HCN1: variants seen among roughly 807,000 people sequenced by gnomAD.
The protein encoded by HCN1 is potassium/sodium hyperpolarization-activated cyclic nucleotide-gated channel 1.
A neutral mutation model predicts 78.9 loss-of-function variants in HCN1; 13 were observed. The observed-to-expected ratio is 0.16, with a 90% confidence interval of 0.11 to 0.26. The LOEUF (loss-of-function observed/expected upper bound fraction) is 0.26, where lower values mean the gene tolerates loss of function less well. Ranked by LOEUF, HCN1 falls within the 10% of genes least tolerant of loss-of-function variation. The pLI is 1.00. For missense variants in HCN1, 810 were observed against 1,154.3 expected (o/e 0.70, Z 4.32); for synonymous variants, 552 against 455.5 (o/e 1.21, Z -2.70).
At chr5:45,571,781 G>T (rs1743842045) in intron 2 of HCN1, among the ~76,000 whole-genome samples, 1 of 152,042 alleles carries the variant, frequency 6.6e-6, no homozygotes, top group African/African-American at 2.4e-5. Flanking sequence ...AGGCATGGTG[G>T]CACATGCCTG....
chr5:45,346,721 C>A lies in HCN1; in HGVS notation c.1377+6379G>T, dbSNP rs113493874. Among the ~76,000 whole-genome samples, 675 of 152,316 alleles carry A rather than the reference C, an allele frequency of 4.4e-3. 5 individuals carry two copies. The highest frequency in any genetic ancestry group is 0.01 in the East Asian group (52 of 5,164). On this transcript the variant is annotated intron_variant, in intron 5 of 7. Transcript: ENST00000303230. ...CACACCAGGAGATTATATCCTGCAC[C>A]TGGCTTGGAGGGTCCTACATCCATG... is the stretch of plus-strand genomic sequence containing the variant.
intron 4 of HCN1, among the ~76,000 whole-genome samples, chr5:45,392,111 C>T (rs535700215): frequency 2.0e-5 from 3 of 152,096 alleles, no homozygotes; most frequent in African/African-American, 7.2e-5. Context: ...ATATCTTAAC[C>T]ATAATTATTT....
intron 6 of HCN1, among the ~76,000 whole-genome samples, chr5:45,290,634 T>C (rs1360070235): frequency 6.6e-6 from 1 of 152,056 alleles, no homozygotes; most frequent in Non-Finnish European, 1.5e-5. Flanking sequence ...ATAAAACTTA[T>C]TCAATTAAAG....
intron 1 of HCN1, 133 bp from the exon 2 acceptor site, chr5:45,645,741 T>G: frequency 1.7e-6 from 1 of 575,236 alleles, no homozygotes; most frequent in East Asian, 2.8e-5. Flanking sequence ...TTTTTAAAAA[T>G]GTAATTCCTT....
intron 1 of HCN1, among the ~76,000 whole-genome samples, chr5:45,649,809 A>G (rs1297920512): frequency 1.3e-5 from 2 of 152,116 alleles, no homozygotes; most frequent in Admixed American, 1.3e-4. Flanking sequence ...CATACACTTT[A>G]ATGGGGGATA....
intron 2 of HCN1, among the ~76,000 whole-genome samples, chr5:45,535,351 A>G (rs1561192342): frequency 6.6e-6 from 1 of 152,194 alleles, no homozygotes; most frequent in Non-Finnish European, 1.5e-5. Flanking sequence ...TAATCCCAGC[A>G]CTTTGGGAGG....
chr5:45,313,580 G>T (rs140104763), intron 5 of HCN1, among the ~76,000 whole-genome samples: 25 of 152,288 alleles, frequency 1.6e-4, no homozygotes, highest in African/African-American at 6.0e-4. Flanking sequence ...AGCTAAAGGA[G>T]GAAGTGCAAA....
At chr5:45,437,439 C>A (rs750250096) in intron 3 of HCN1, among the ~76,000 whole-genome samples, 10 of 152,036 alleles carry the variant, frequency 6.6e-5, no homozygotes, top group Non-Finnish European at 8.8e-5. Flanking sequence ...TGGTTCTTGC[C>A]AAATAACCGC....
intron 3 of HCN1, among the ~76,000 whole-genome samples, chr5:45,441,994 A>T (rs1740688517): frequency 6.6e-6 from 1 of 152,100 alleles, no homozygotes; most frequent in Admixed American, 6.5e-5. Flanking sequence ...TTCTCATGCA[A>T]AGTCTTTATT....
In HCN1 at chr5:45,376,623, GT is replaced by G. The variant is rs1158652979; in HGVS notation, c.1230+19868del. ...TGGTGATTTAAAGTTTGCAAAGAAT[GT>G]TTAATAGTCCCAACTATTCCATGAG... On this transcript the variant is annotated intron_variant, in intron 4 of 7. Transcript: ENST00000303230. Among the ~76,000 whole-genome samples the G allele has an allele frequency of 3.9e-5, 6 of 151,910 alleles. No homozygotes were observed. In the East Asian group the frequency reaches 1.2e-3, roughly 29 times the overall value.
intron 2 of HCN1, among the ~76,000 whole-genome samples, chr5:45,611,138 C>T (rs1211206053): frequency 6.6e-6 from 1 of 151,420 alleles, no homozygotes; most frequent in African/African-American, 2.4e-5. Flanking sequence ...GCAGCCTCAA[C>T]CTCCCGGGTT....
At chr5:45,290,241 C>A (rs1281074507) in intron 6 of HCN1, among the ~76,000 whole-genome samples, 2 of 151,972 alleles carry the variant, frequency 1.3e-5, no homozygotes, top group African/African-American at 4.8e-5. Context: ...GTCCATTAAA[C>A]CTCTCTTTCT....
intron 1 of HCN1, among the ~76,000 whole-genome samples, chr5:45,652,976 G>A (rs538699609): frequency 6.6e-6 from 1 of 151,920 alleles, no homozygotes; most frequent in Non-Finnish European, 1.5e-5. Context: ...GTTTCTACCT[G>A]CCCTAGTAAA....
At chr5:45,302,277 A>AAGTGGC (rs3028859) in intron 6 of HCN1, among the ~76,000 whole-genome samples, 51,797 of 151,272 alleles carry the variant, frequency 0.34, 11,598 homozygotes, top group African/African-American at 0.63. Flanking sequence ...CTGATGGTTT[A>AAGTGGC]AGTTTCCCCT....
At chr5:45,589,475 AT>A (rs1744310098) in intron 2 of HCN1, among the ~76,000 whole-genome samples, 1 of 152,212 alleles carries the variant, frequency 6.6e-6, no homozygotes, top group South Asian at 2.1e-4. Context: ...GTCATAGCCC[AT>A]GTGTGGAGAA....
chr5:45,300,172 A>G (rs1745581531), intron 6 of HCN1, among the ~76,000 whole-genome samples: 1 of 152,032 alleles, frequency 6.6e-6, no homozygotes, highest in African/African-American at 2.4e-5. Flanking sequence ...GCATAATAAC[A>G]CTTCAAAAAA....
intron 1 of HCN1, among the ~76,000 whole-genome samples, chr5:45,681,811 T>A (rs962788121): frequency 1.3e-5 from 2 of 152,144 alleles, no homozygotes; most frequent in Non-Finnish European, 2.9e-5. Context: ...ATTCTCAACT[T>A]TATTTTGATT....
At chr5:45,331,750 G>A (rs1179852201) in intron 5 of HCN1, among the ~76,000 whole-genome samples, 1 of 151,202 alleles carries the variant, frequency 6.6e-6, no homozygotes, top group Admixed American at 6.6e-5. Context: ...ACCCAAACAC[G>A]TGATATGCTG....
rs368387400 is a variant in HCN1, at chr5:45,395,827, G to C, written c.1230+665C>G. On this transcript the variant is annotated intron_variant, in intron 4 of 7. Transcript: ENST00000303230. The stretch of plus-strand genomic sequence containing the variant: ...TCCCAATACCCTATATTTAGCCCTA[G>C]CCAAAGAAATTCTTCATGTGGGAAA... Among the ~76,000 whole-genome samples the C allele has an allele frequency of 5.9e-5, 9 of 151,652 alleles. No homozygotes were observed. The East Asian group carries it at 1.5e-3, about 26-fold the overall frequency.
Sources: gnomAD v4.1 joint callset for allele counts (sites outside exome capture counted in the v4.1 genomes callset) on GRCh38, gnomAD v4.1.1 for gene constraint, MANE v1.5 for transcripts, NCBI Gene and HGNC (gene_info 2026-07-23, HGNC 2026-07-21) for gene names.